Variants in ZBTB20 observed in about 807,000 individuals in gnomAD.
The protein encoded by ZBTB20 is zinc finger and BTB domain-containing protein 20.
Under a neutral mutation model 56.9 loss-of-function variants are expected in ZBTB20, and 9 were observed. The ratio of observed to expected loss-of-function variants is 0.16; its 90% confidence interval spans 0.10 to 0.28. The LOEUF is 0.28. Among genes scored for constraint, ZBTB20 ranks in the 10% least tolerant of loss-of-function variants. ZBTB20 has a pLI of 1.00. For missense variants in ZBTB20, 655 were observed against 1,003.0 expected, an observed-to-expected ratio of 0.65 and a Z score of 4.69; for synonymous variants, 417 against 420.7, an observed-to-expected ratio of 0.99 and a Z score of 0.11.
intron 3 of ZBTB20, among the ~76,000 whole-genome samples, chr3:114,943,133 A>C (rs1437572577): frequency 6.9e-6 from 1 of 145,626 alleles, no homozygotes; most frequent in Non-Finnish European, 1.5e-5. Flanking sequence ...AAAGCACTCC[A>C]AAATTTTATT....
chr3:114,898,161 GT>G (rs1171691899), intron 4 of ZBTB20, among the ~76,000 whole-genome samples: 1 of 152,100 alleles, frequency 6.6e-6, no homozygotes, highest in Non-Finnish European at 1.5e-5. Context: ...TTATTTTTGT[GT>G]TTTAGTGAGA....
intron 1 of ZBTB20, among the ~76,000 whole-genome samples, chr3:115,115,015 G>A (rs571695759): frequency 9.9e-5 from 15 of 152,122 alleles, no homozygotes; most frequent in African/African-American, 3.6e-4. Context: ...GATATTCATG[G>A]CCCATTCTCC....
At chr3:115,140,579 T>G (rs1001367161) in intron 1 of ZBTB20, among the ~76,000 whole-genome samples, 4 of 151,952 alleles carry the variant, frequency 2.6e-5, no homozygotes, top group African/African-American at 9.7e-5. Context: ...GGTCTTTGTT[T>G]TGTTTTGTTT....
chr3:114,366,335 C>T (rs918751676), intron 10 of ZBTB20, among the ~76,000 whole-genome samples: 7 of 151,440 alleles, frequency 4.6e-5, no homozygotes, highest in African/African-American at 1.7e-4. Flanking sequence ...ATATTCATTC[C>T]TTTCTTGGTT....
chr3:115,054,409 T>C (rs1027040567), intron 2 of ZBTB20, among the ~76,000 whole-genome samples: 3 of 152,084 alleles, frequency 2.0e-5, no homozygotes, highest in African/African-American at 7.2e-5. Context: ...ACCAACGTCT[T>C]AATATTAAAA....
intron 4 of ZBTB20, among the ~76,000 whole-genome samples, chr3:114,802,592 G>C (rs1346196653): frequency 6.6e-6 from 1 of 151,688 alleles, no homozygotes; most frequent in African/African-American, 2.4e-5. Flanking sequence ...GCGTCACCAG[G>C]GACAACTGAA....
At position 114,717,848 on chromosome 3, in the gene ZBTB20, C is replaced by T. The variant is rs868020563; in HGVS notation, c.-342-24273G>A. 5.3e-5 allele frequency among the ~76,000 whole-genome samples: 8 copies of T among 151,994 alleles called. No homozygotes were observed. The Middle Eastern group carries it at 0.014, about 260-fold the overall frequency. On this transcript the variant is annotated intron_variant, in intron 5 of 11. Coordinates refer to ENST00000675478, the MANE Select transcript of ZBTB20 (RefSeq NM_001348800.3). The stretch of plus-strand genomic sequence containing the variant: ...CTCAACTTCTTGCAACAATTTAACA[C>T]GGATAACCGCTTCTTTTCCTCCTCG...
chr3:115,063,023 A>G (rs938262650), intron 2 of ZBTB20, among the ~76,000 whole-genome samples: 2 of 152,194 alleles, frequency 1.3e-5, no homozygotes, highest in Admixed American at 1.3e-4. Flanking sequence ...ATGCCTTTTT[A>G]AATTTTGTAA....
intron 4 of ZBTB20, among the ~76,000 whole-genome samples, chr3:114,873,734 G>T (rs2076093853): frequency 6.6e-6 from 1 of 152,178 alleles, no homozygotes; most frequent in African/African-American, 2.4e-5. Flanking sequence ...ATGTTCCCAT[G>T]AAGCTGAGCA....
intron 1 of ZBTB20, among the ~76,000 whole-genome samples, chr3:115,100,996 T>A (rs988770021): frequency 5.3e-5 from 8 of 152,156 alleles, no homozygotes; most frequent in African/African-American, 1.9e-4. Flanking sequence ...ACTTACAAAA[T>A]TACAGACCAA....
intron 5 of ZBTB20, among the ~76,000 whole-genome samples, chr3:114,761,051 G>A (rs1403125447): frequency 6.6e-6 from 1 of 152,058 alleles, no homozygotes; most frequent in Non-Finnish European, 1.5e-5. Flanking sequence ...AAACTATACA[G>A]AATTCTTGGT....
At chr3:114,605,108 G>A (rs1048763248) in intron 6 of ZBTB20, among the ~76,000 whole-genome samples, 6 of 152,056 alleles carry the variant, frequency 3.9e-5, no homozygotes, top group Admixed American at 1.3e-4. Flanking sequence ...GGCAGATGAT[G>A]TATGTTGAGT....
chr3:114,742,618 T>A (rs1233216870), intron 5 of ZBTB20, among the ~76,000 whole-genome samples: 9 of 152,308 alleles, frequency 5.9e-5, no homozygotes, highest in Non-Finnish European at 8.8e-5. Flanking sequence ...AGAGATTAAA[T>A]AACTTGTCCA....
intron 4 of ZBTB20, among the ~76,000 whole-genome samples, chr3:114,840,442 T>A (rs188970247): frequency 1.3e-5 from 2 of 152,260 alleles, no homozygotes; most frequent in Admixed American, 1.3e-4. Flanking sequence ...TGACTATTCA[T>A]GTCATTTCAA....
intron 3 of ZBTB20, among the ~76,000 whole-genome samples, chr3:114,952,411 G>C (rs188559027): frequency 2.6e-5 from 4 of 151,982 alleles, no homozygotes; most frequent in African/African-American, 9.7e-5. Flanking sequence ...TTAGAACTGT[G>C]AGCCAAATAA....
At chr3:114,359,093 G>A (rs1227146177) in intron 10 of ZBTB20, among the ~76,000 whole-genome samples, 2 of 144,196 alleles carry the variant, frequency 1.4e-5, no homozygotes, top group Non-Finnish European at 3.0e-5. Context: ...CTTTTTTTTT[G>A]TAGTTATATA....
intron 1 of ZBTB20, among the ~76,000 whole-genome samples, chr3:115,141,116 T>A (rs548370702): frequency 6.6e-6 from 1 of 152,136 alleles, no homozygotes; most frequent in Non-Finnish European, 1.5e-5. Context: ...AAACAGACTG[T>A]TGGCCCAAAG....
At chr3:114,634,151 A>G (rs2059126922) in intron 6 of ZBTB20, among the ~76,000 whole-genome samples, 2 of 152,164 alleles carry the variant, frequency 1.3e-5, no homozygotes, top group South Asian at 4.1e-4. Flanking sequence ...CATTTTGCAG[A>G]TGATACAACT....
chr3:114,468,935 T>C (rs1166779576), intron 7 of ZBTB20, among the ~76,000 whole-genome samples: 1 of 144,966 alleles, frequency 6.9e-6, no homozygotes, highest in African/African-American at 2.6e-5. Context: ...GAGCAGCTGC[T>C]ACTCAGTTCC....
Sources: gnomAD v4.1 joint callset for allele counts (sites outside exome capture counted in the v4.1 genomes callset) on GRCh38, gnomAD v4.1.1 for gene constraint, MANE v1.5 for transcripts, NCBI Gene and HGNC (gene_info 2026-07-23, HGNC 2026-07-21) for gene names.